Variants in RBM6 observed in about 807,000 individuals in gnomAD.
RBM6 encodes RNA-binding protein 6.
Under a neutral mutation model 140.4 loss-of-function variants are expected in RBM6, and 23 were observed. The ratio of observed to expected loss-of-function variants is 0.16; its 90% CI spans 0.12 to 0.23. The LOEUF is 0.23. RBM6 is among the 10% of genes least tolerant of loss of function. The pLI, the probability that RBM6 is intolerant of heterozygous loss-of-function variation, is 1.00. For synonymous variants in RBM6, 439 were observed against 475.6 expected (o/e 0.92, Z 1.00); for missense variants, 1,139 against 1,386.7 (o/e 0.82, Z 2.84).
chr3:49,969,157 A>G (rs998794513), intron 3 of RBM6, among the ~76,000 whole-genome samples: 7 of 151,168 alleles, frequency 4.6e-5, no homozygotes, highest in Admixed American at 4.6e-4. Context: ...CCTGAGTAGC[A>G]GGGATTGCAG....
chr3:50,075,121 A>C, intron 19 of RBM6, 80 bp from the exon 20 acceptor site: 3 of 1,526,226 alleles, frequency 2.0e-6, no homozygotes, highest in Non-Finnish European at 2.7e-6. Flanking sequence ...GAGCCATTGC[A>C]CTCCAGCCTG....
intron 6 of RBM6, among the ~76,000 whole-genome samples, chr3:50,039,263 G>C (rs983585824): frequency 6.6e-6 from 1 of 151,910 alleles, no homozygotes. Context: ...TTTTGAGATG[G>C]AGTCTCGCTC....
At chr3:49,960,863 T>C (rs1490560959) in intron 1 of RBM6, among the ~76,000 whole-genome samples, 1 of 151,482 alleles carries the variant, frequency 6.6e-6, no homozygotes, top group African/African-American at 2.4e-5. Flanking sequence ...ATGTAGTAAA[T>C]GTGAAGCATT....
chr3:50,062,033 T>C lies in RBM6; in HGVS notation c.2511T>C (p.Ser837=), dbSNP rs1357927268. 1 of 1,613,696 alleles carries C rather than the reference T, an allele frequency of 6.2e-7. No individual in the cohort carries two copies. The highest frequency in any genetic ancestry group is 2.2e-5 in the East Asian group (1 of 44,848). The stretch of plus-strand genomic sequence containing the variant: ...AGATCAAGGAAAAAAAACCCACCAG[T>C]CAAGGAAAGTCAAGTAGCAAGAAGG... The part of the protein sequence containing the change: ...EEEIKEKKPT[S]QGKSSSKKEM... Residue 837 remains serine (S), a synonymous_variant, in exon 15 of 21, where the codon AGT becomes AGC. Coordinates refer to ENST00000266022, the MANE Select transcript of RBM6 (RefSeq NM_005777.3).
rs1201362610 is a variant in RBM6, at chr3:49,942,055, A to G, written c.-67+1830A>G. 3.3e-5 allele frequency among the ~76,000 whole-genome samples: 5 copies of G among 151,162 alleles called. No homozygotes were observed. The South Asian group carries it at 8.3e-4, about 25-fold the overall frequency. ...GGTAGAGGTTGTAGTAAGGGGAGAT[A>G]GTGCCACTGCACTCCAACCTGGGCC... On this transcript the variant is annotated intron_variant, in intron 1 of 20. Transcript: ENST00000266022.
rs138228527 is a variant in RBM6, at chr3:50,008,647, G to A, written c.1557+9134G>A. ...GGGCTCAATGCAACCTCCACCTCCC[G>A]GGTTAAAGCGATTCTCCTGCCTTGG... On this transcript the variant is annotated intron_variant, in intron 6 of 20. Coordinates refer to ENST00000266022, the MANE Select transcript of RBM6 (RefSeq NM_005777.3). Among the ~76,000 whole-genome samples, 800 of 146,322 alleles carry A rather than the reference G, an allele frequency of 5.5e-3. 4 individuals carry two copies. Among genetic ancestry groups the A allele is most frequent in the Middle Eastern group, 0.025 (7 of 278 alleles).
intron 5 of RBM6, among the ~76,000 whole-genome samples, chr3:49,984,544 G>A (rs1479184585): frequency 1.3e-5 from 2 of 152,090 alleles, no homozygotes; most frequent in African/African-American, 4.8e-5. Flanking sequence ...TCACACCACT[G>A]CACTCCAGGC....
chr3:50,057,587 C>CAAAAAA (rs4030422), intron 8 of RBM6, 141 bp from the exon 9 acceptor site: 54 of 219,054 alleles, frequency 2.5e-4, no homozygotes, highest in South Asian at 4.5e-4. Flanking sequence ...AACTCCGTCT[C>CAAAAAA]AAAAAAAAAA....
intron 1 of RBM6, among the ~76,000 whole-genome samples, chr3:49,951,395 A>G (rs548897237): frequency 2.0e-4 from 30 of 149,732 alleles, no homozygotes; most frequent in Non-Finnish European, 4.0e-4. Flanking sequence ...GTGTGTGTAT[A>G]TGTGTGTGTG....
At chr3:49,947,276 G>A (rs1476042478) in intron 1 of RBM6, among the ~76,000 whole-genome samples, 8 of 31,898 alleles carry the variant, frequency 2.5e-4, no homozygotes, top group Admixed American at 1.5e-3. Context: ...GGGGGGGGGG[G>A]GTTTTGAGCT....
At chr3:49,949,446 G>T (rs1299909005) in intron 1 of RBM6, among the ~76,000 whole-genome samples, 1 of 152,010 alleles carries the variant, frequency 6.6e-6, no homozygotes, top group African/African-American at 2.4e-5. Flanking sequence ...AGGCTGGAGT[G>T]CAGTGGTGTG....
At chr3:49,988,906 C>T (rs2108697768) in intron 5 of RBM6, among the ~76,000 whole-genome samples, 1 of 151,964 alleles carries the variant, frequency 6.6e-6, no homozygotes, top group East Asian at 1.9e-4. Flanking sequence ...AAGATTGCAC[C>T]ACTGCACTCC....
chr3:49,960,496 A>G (rs1360726608), intron 1 of RBM6, among the ~76,000 whole-genome samples: 1 of 152,182 alleles, frequency 6.6e-6, no homozygotes, highest in Admixed American at 6.6e-5. Context: ...CTCTCTTGAT[A>G]GTGTCCTTTG....
intron 4 of RBM6, among the ~76,000 whole-genome samples, chr3:49,973,937 A>C (rs1444922603): frequency 6.6e-6 from 1 of 151,492 alleles, no homozygotes; most frequent in African/African-American, 2.4e-5. Context: ...TTGCTCTGTC[A>C]CCCAGGCTGG....
chr3:49,969,481 A>ATATATATGTATATATATGAATATATATT (rs1261179367), intron 3 of RBM6, among the ~76,000 whole-genome samples: 30 of 146,718 alleles, frequency 2.0e-4, no homozygotes, highest in African/African-American at 6.2e-4. Context: ...ATATATATGA[A>ATATATATGTATATATATGAATATATATT]TATATATGTA....
At chr3:50,023,522 G>A (rs2087627560) in intron 6 of RBM6, among the ~76,000 whole-genome samples, 1 of 152,022 alleles carries the variant, frequency 6.6e-6, no homozygotes, top group African/African-American at 2.4e-5. Flanking sequence ...GATGCATTAA[G>A]TAGTGACCGC....
chr3:49,991,257 C>T (rs375311542), intron 5 of RBM6, among the ~76,000 whole-genome samples: 36 of 152,276 alleles, frequency 2.4e-4, no homozygotes, highest in African/African-American at 8.4e-4. Flanking sequence ...AATATGCCAC[C>T]GTCCCAGCAT....
At chr3:50,061,425 C>CA in intron 13 of RBM6, 37 bp from the exon 14 acceptor site, 2 of 1,586,248 alleles carry the variant, frequency 1.3e-6, no homozygotes, top group Non-Finnish European at 1.7e-6. Context: ...CTTCATTGGA[C>CA]AGAGACTAAC....
At chr3:50,050,820 T>G (rs1385963314) in intron 7 of RBM6, among the ~76,000 whole-genome samples, 2 of 152,166 alleles carry the variant, frequency 1.3e-5, no homozygotes, top group African/African-American at 4.8e-5. Context: ...CTAATGACTT[T>G]GAGGGTTTTT....
Sources: allele counts gnomAD v4.1 joint callset (sites outside exome capture counted in the v4.1 genomes callset), GRCh38; gene constraint gnomAD v4.1.1; transcripts MANE v1.5; gene names NCBI Gene and HGNC (gene_info 2026-07-23, HGNC 2026-07-21).